SYNPR: variants seen among roughly 807,000 people sequenced by gnomAD.
SYNPR encodes synaptoporin.
In SYNPR, 23 loss-of-function variants were observed where a neutral mutation model predicts 32.9. The ratio of observed to expected loss-of-function variants is 0.70; its 90% CI spans 0.50 to 0.99. The LOEUF (loss-of-function observed/expected upper bound fraction) is 0.99. Ranked by LOEUF, SYNPR falls within the 50% of genes least tolerant of loss-of-function variation. The pLI is 0.00. For missense variants in SYNPR, 318 were observed against 349.3 expected (o/e 0.91, Z 0.71); for synonymous variants, 146 against 135.9 (o/e 1.07, Z -0.52).
the SYNPR span, among the ~76,000 whole-genome samples, chr3:63,209,076 A>G: frequency 6.6e-6 from 1 of 152,188 alleles, no homozygotes; most frequent in East Asian, 1.9e-4. Context: ...CATTAAAAAC[A>G]TATCACTCAT....
Position 63,519,098 on chromosome 3 carries a change from C to T in SYNPR, c.210-37445C>T, listed in dbSNP as rs2106768476. ...GCATATGTTGAACTAACCTTGCATC[C>T]CAGGAATAAAGCCTACATGACCGTG... On this transcript the variant is annotated intron_variant, in intron 3 of 5. Coordinates refer to ENST00000478300, the MANE Select transcript of SYNPR (RefSeq NM_001130003.2). Among the ~76,000 whole-genome samples the T allele has an allele frequency of 1.3e-5, 2 of 152,154 alleles. 1 individual carries two copies. Among genetic ancestry groups the T allele is most frequent in the South Asian group, 4.1e-4 (2 of 4,822 alleles).
chr3:63,575,319 G>A (rs1426468503), intron 4 of SYNPR, among the ~76,000 whole-genome samples: 1 of 151,946 alleles, frequency 6.6e-6, no homozygotes, highest in Non-Finnish European at 1.5e-5. Context: ...TCTGCTTCTT[G>A]AACCTCTTCC....
chr3:63,525,507 C>A (rs1575692151), intron 3 of SYNPR, among the ~76,000 whole-genome samples: 1 of 152,210 alleles, frequency 6.6e-6, no homozygotes, highest in African/African-American at 2.4e-5. Flanking sequence ...CCATATTTCC[C>A]TTCCCTGCTT....
intron 2 of SYNPR, among the ~76,000 whole-genome samples, chr3:63,340,027 C>T (rs540927290): frequency 2.0e-4 from 30 of 152,290 alleles, no homozygotes; most frequent in Admixed American, 7.2e-4. Flanking sequence ...GTAATCACTC[C>T]TCCTTTTCTA....
intron 4 of SYNPR, among the ~76,000 whole-genome samples, chr3:63,595,739 ATATATAT>A (rs1211376778): frequency 2.3e-5 from 1 of 44,066 alleles, no homozygotes; most frequent in Non-Finnish European, 3.3e-5. Flanking sequence ...ATATATATAT[ATATATAT>A]ATATATATAT....
At chr3:63,569,640 C>T (rs1415868548) in intron 4 of SYNPR, among the ~76,000 whole-genome samples, 1 of 152,260 alleles carries the variant, frequency 6.6e-6, no homozygotes, top group Non-Finnish European at 1.5e-5. Flanking sequence ...ATCCCCAAGA[C>T]AGGCATGAAT....
intron 4 of SYNPR, among the ~76,000 whole-genome samples, chr3:63,596,593 T>C (rs1463745830): frequency 6.6e-6 from 1 of 152,034 alleles, no homozygotes; most frequent in Non-Finnish European, 1.5e-5. Flanking sequence ...CTCCCTTTGG[T>C]CACACTGATT....
At chr3:63,344,310 A>G (rs574934416) in intron 2 of SYNPR, among the ~76,000 whole-genome samples, 33 of 152,218 alleles carry the variant, frequency 2.2e-4, no homozygotes, top group African/African-American at 5.5e-4. Flanking sequence ...CTATCTTATG[A>G]TTAGGAAGGA....
At chr3:63,217,948 G>A in the SYNPR span, among the ~76,000 whole-genome samples, 25 of 152,140 alleles carry the variant, frequency 1.6e-4, no homozygotes, top group South Asian at 5.0e-3. Context: ...CAATCCTTAT[G>A]TCTATAAGGA....
intron 2 of SYNPR, among the ~76,000 whole-genome samples, chr3:63,391,891 C>G (rs1354833352): frequency 1.3e-5 from 2 of 152,132 alleles, no homozygotes; most frequent in Admixed American, 6.5e-5. Flanking sequence ...GGCTAGTAAA[C>G]AGCAGAAGCA....
chr3:63,551,623 T>G (rs2106821252), intron 3 of SYNPR, among the ~76,000 whole-genome samples: 1 of 152,352 alleles, frequency 6.6e-6, no homozygotes, highest in East Asian at 1.9e-4. Flanking sequence ...ATAGCCACCC[T>G]AGTGGATGTG....
At chr3:63,201,698 C>T in the SYNPR span, among the ~76,000 whole-genome samples, 11 of 148,234 alleles carry the variant, frequency 7.4e-5, no homozygotes, top group African/African-American at 1.5e-4. Flanking sequence ...CTGTTTAAAA[C>T]ATTTTAAAAT....
upstream of SYNPR, among the ~76,000 whole-genome samples, chr3:63,274,845 C>T (rs567131034): frequency 2.6e-5 from 4 of 152,148 alleles, no homozygotes; most frequent in Admixed American, 6.5e-5. Flanking sequence ...GCCCCCACCT[C>T]GTTGTGACAA....
At chr3:63,605,645 T>C (rs1308403013) in intron 4 of SYNPR, among the ~76,000 whole-genome samples, 2 of 152,140 alleles carry the variant, frequency 1.3e-5, no homozygotes, top group Non-Finnish European at 2.9e-5. Context: ...AACATGAAAC[T>C]GAGAAAAATG....
At chr3:63,336,450 C>T (rs565678861) in intron 2 of SYNPR, among the ~76,000 whole-genome samples, 46 of 128,438 alleles carry the variant, frequency 3.6e-4, no homozygotes, top group African/African-American at 1.3e-3. Flanking sequence ...AATTTAGTCT[C>T]AATGCAATCC....
chr3:63,211,469 T>C, the SYNPR span, among the ~76,000 whole-genome samples: 1 of 152,360 alleles, frequency 6.6e-6, no homozygotes, highest in East Asian at 1.9e-4. Flanking sequence ...AATAGTATTC[T>C]GTTGAATCTT....
intron 3 of SYNPR, among the ~76,000 whole-genome samples, chr3:63,509,567 A>G (rs1701656468): frequency 6.6e-6 from 1 of 152,044 alleles, no homozygotes; most frequent in Admixed American, 6.6e-5. Context: ...AACTAAGGCT[A>G]TTTTCCTCTG....
chr3:63,226,299 A>G (rs1223493790), upstream of SYNPR, among the ~76,000 whole-genome samples: 1 of 152,198 alleles, frequency 6.6e-6, no homozygotes, highest in African/African-American at 2.4e-5. Context: ...ATAGTGATTT[A>G]TCAATAAACT....
intron 2 of SYNPR, among the ~76,000 whole-genome samples, chr3:63,307,576 T>C (rs1352660527): frequency 2.6e-5 from 4 of 152,020 alleles, no homozygotes; most frequent in Admixed American, 1.3e-4. Flanking sequence ...TGTCAGCCTG[T>C]AGCAGGCAGT....
Sources: allele counts gnomAD v4.1 joint callset (sites outside exome capture counted in the v4.1 genomes callset), GRCh38; gene constraint gnomAD v4.1.1; transcripts MANE v1.5; gene names NCBI Gene and HGNC (gene_info 2026-07-23, HGNC 2026-07-21).